Variants in TMX4 observed in about 807,000 individuals in gnomAD.
The protein encoded by TMX4 is thioredoxin related transmembrane protein 4.
A neutral mutation model predicts 33.3 loss-of-function variants in TMX4; 23 were observed. The ratio of observed to expected loss-of-function variants is 0.69; its 90% CI spans 0.50 to 0.98. The LOEUF (loss-of-function observed/expected upper bound fraction) is 0.98, where lower values mean the gene tolerates loss of function less well. Ranked by LOEUF, TMX4 falls within the 50% of genes least tolerant of loss-of-function variation. The pLI, the probability that TMX4 is intolerant of heterozygous loss-of-function variation, is 0.00. For synonymous variants in TMX4, 164 were observed against 161.5 expected (o/e 1.02, Z -0.12); for missense variants, 399 against 448.9 (o/e 0.89, Z 1.01).
chr20:8,018,935 C>T (rs1484171408), intron 1 of TMX4: 1 of 418,326 alleles, frequency 2.4e-6, no homozygotes. Flanking sequence ...CTGCCTTCAC[C>T]GTGCTGCAAT....
At chr20:7,991,578 G>A (rs1470106251) in intron 5 of TMX4, among the ~76,000 whole-genome samples, 1 of 152,106 alleles carries the variant, frequency 6.6e-6, no homozygotes, top group Non-Finnish European at 1.5e-5. Flanking sequence ...TTGGATTTTT[G>A]GATTTGGGGA....
At chr20:7,983,902 A>G in intron 6 of TMX4, 45 bp from the exon 7 acceptor site, 1 of 1,493,682 alleles carries the variant, frequency 6.7e-7, no homozygotes, top group Non-Finnish European at 9.3e-7. Context: ...TAGGACATTT[A>G]TTACCAAAGG....
chr20:8,010,399 AT>A (rs1378648895), intron 1 of TMX4, 84 bp from the exon 2 acceptor site: 2 of 859,674 alleles, frequency 2.3e-6, no homozygotes, highest in African/African-American at 3.6e-5. Flanking sequence ...AAATTAAAAA[AT>A]AAATTATTAA....
Position 7,999,846 on chromosome 20 carries a change from A to G in TMX4, c.353T>C (p.Ile118Thr). Reference sequence around the variant, plus strand: ...TCCTGGGCCACGATAACGGCGGAATATCCCATCCTTTGCACTATAAATTAT... The same window carrying G: ...TCCTGGGCCACGATAACGGCGGAATGTCCCATCCTTTGCACTATAAATTAT... Reference protein sequence around the residue: ...LPAFFHAKDGIFRRYRGPGIF... With the variant: ...LPAFFHAKDGTFRRYRGPGIF... Residue 118 changes from isoleucine (I) to threonine (T), a missense_variant, in exon 4 of 8, where the codon ATA becomes ACA. Transcript: ENST00000246024. The G allele has an allele frequency of 6.2e-7, 1 of 1,612,912 alleles. No homozygotes were observed. The highest frequency in any genetic ancestry group is 8.5e-7 in the Non-Finnish European group (1 of 1,179,630).
intron 5 of TMX4, among the ~76,000 whole-genome samples, chr20:7,989,510 CCT>C (rs1253998307): frequency 6.6e-6 from 1 of 152,134 alleles, no homozygotes; most frequent in Admixed American, 6.5e-5. Flanking sequence ...TTCAAAACAT[CCT>C]CTTATTTTAA....
chr20:8,016,695 G>C (rs2050776911), intron 1 of TMX4, among the ~76,000 whole-genome samples: 1 of 152,144 alleles, frequency 6.6e-6, no homozygotes. Context: ...GGATCTGTAT[G>C]ACGTGGCGTA....
intron 5 of TMX4, among the ~76,000 whole-genome samples, chr20:7,991,411 A>G (rs2050654249): frequency 6.6e-6 from 1 of 152,184 alleles, no homozygotes; most frequent in Admixed American, 6.5e-5. Flanking sequence ...GGGACCAGAC[A>G]GCCTTCAGAT....
intron 4 of TMX4, among the ~76,000 whole-genome samples, chr20:7,997,943 G>A (rs2050683828): frequency 6.6e-6 from 1 of 152,116 alleles, no homozygotes; most frequent in Non-Finnish European, 1.5e-5. Context: ...GATAATGAGT[G>A]ATCTCTCAGG....
intron 1 of TMX4, among the ~76,000 whole-genome samples, chr20:8,010,890 T>G (rs1326413704): frequency 6.6e-6 from 1 of 152,128 alleles, no homozygotes; most frequent in Non-Finnish European, 1.5e-5. Flanking sequence ...ATACCTTGGC[T>G]TTCAAGTCAG....
chr20:7,977,811 T>C lies in TMX4; in HGVS notation c.*4440A>G, dbSNP rs1305643317. 3 of 152,166 alleles carry C rather than the reference T, an allele frequency of 2.0e-5. No homozygotes were observed. Among genetic ancestry groups the C allele is most frequent in the East Asian group, 3.8e-4 (2 of 5,198 alleles). 9.4% of individuals were successfully genotyped at this position (152,166 alleles called of 1,614,324 possible). A position where few individuals can be genotyped will look rare whatever the true frequency, so the allele number is the denominator to read the frequency against. Reference sequence around the variant, plus strand: ...ACGATTAAACCACTTCAGAAACACGTCAAAGTTGTACGAGTCACACATATA... The same window carrying C: ...ACGATTAAACCACTTCAGAAACACGCCAAAGTTGTACGAGTCACACATATA... On this transcript the variant is annotated 3_prime_UTR_variant, in exon 8 of 8. Coordinates refer to ENST00000246024, the MANE Select transcript of TMX4 (RefSeq NM_021156.4).
intron 1 of TMX4, among the ~76,000 whole-genome samples, chr20:8,017,083 T>G (rs575222127): frequency 8.1e-4 from 123 of 152,272 alleles, no homozygotes; most frequent in Non-Finnish European, 1.6e-3. Flanking sequence ...ATGAATTTTA[T>G]ATTTTTTTAA....
At chr20:7,987,793 C>T (rs1171071893) in intron 5 of TMX4, among the ~76,000 whole-genome samples, 2 of 152,192 alleles carry the variant, frequency 1.3e-5, no homozygotes, top group East Asian at 1.9e-4. Context: ...ACTTACAGAA[C>T]GTCAATCATT....
chr20:7,983,061 T>C (rs925579683), intron 7 of TMX4, among the ~76,000 whole-genome samples: 1 of 152,182 alleles, frequency 6.6e-6, no homozygotes, highest in African/African-American at 2.4e-5. Flanking sequence ...TATCAACAGC[T>C]CTTATGAATA....
intron 4 of TMX4, among the ~76,000 whole-genome samples, chr20:7,998,102 A>G (rs1419246076): frequency 2.0e-5 from 3 of 152,068 alleles, no homozygotes; most frequent in African/African-American, 7.2e-5. Flanking sequence ...TGCCAGCATC[A>G]TCCTTCCTGT....
rs1296429650 is a variant in TMX4, at chr20:7,977,871, T to A, written c.*4380A>T. 1 of 152,200 alleles carries A rather than the reference T, an allele frequency of 6.6e-6. No individual in the cohort carries two copies. The highest frequency in any genetic ancestry group is 1.5e-5 in the Non-Finnish European group (1 of 68,022). The allele number at this position is 152,200 out of a possible 1,614,324, so 9.4% of individuals were successfully genotyped here. A position where few individuals can be genotyped will look rare whatever the true frequency, so the allele number is the denominator to read the frequency against. On this transcript the variant is annotated 3_prime_UTR_variant, in exon 8 of 8. Coordinates refer to ENST00000246024, the MANE Select transcript of TMX4 (RefSeq NM_021156.4). ...AGTCTACATAAAGCTTTACTGAGAA[T>A]AAGCCATCTGAAGGGCATGTCCCGG...
intron 2 of TMX4, among the ~76,000 whole-genome samples, chr20:8,004,202 G>A (rs936799924): frequency 6.6e-6 from 1 of 151,676 alleles, no homozygotes; most frequent in Non-Finnish European, 1.5e-5. Context: ...CTCCAAAAAT[G>A]TCTTCTAACC....
At chr20:8,019,340 CCCAAGCGGCAATGCGGGATCG>C (rs2050800487) in intron 1 of TMX4, 77 bp downstream of exon 1, 2 of 1,363,750 alleles carry the variant, frequency 1.5e-6, no homozygotes, top group Non-Finnish European at 1.9e-6. Flanking sequence ...TTAGGTTGAG[CCCAAGCGGCAATGCGGGATCG>C]CCACCGGGCC....
intron 1 of TMX4, among the ~76,000 whole-genome samples, chr20:8,016,879 A>T (rs1479314567): frequency 6.6e-6 from 1 of 152,226 alleles, no homozygotes; most frequent in Admixed American, 6.5e-5. Context: ...AGTTAACTAC[A>T]ACATCTTTGA....
intron 6 of TMX4, among the ~76,000 whole-genome samples, chr20:7,984,534 CTGAAA>C (rs1217109656): frequency 6.6e-6 from 1 of 152,146 alleles, no homozygotes; most frequent in Non-Finnish European, 1.5e-5. Flanking sequence ...AACATTCCAT[CTGAAA>C]TGATTCAGGT....
Sources: gnomAD v4.1 joint callset for allele counts (sites outside exome capture counted in the v4.1 genomes callset) on GRCh38, gnomAD v4.1.1 for gene constraint, MANE v1.5 for transcripts, NCBI Gene and HGNC (gene_info 2026-07-23, HGNC 2026-07-21) for gene names.